AGBL1: variants seen among roughly 807,000 people sequenced by gnomAD.
AGBL1 encodes cytosolic carboxypeptidase 4.
In AGBL1, 130 loss-of-function variants were observed where a neutral mutation model predicts 118.9. That is an observed-to-expected ratio of 1.09 (90% CI 0.95 to 1.26). The LOEUF (loss-of-function observed/expected upper bound fraction) is 1.26. Ranked by LOEUF, AGBL1 falls within the 50% of genes most tolerant of loss-of-function variation. The pLI is 0.00. For missense variants in AGBL1, 1,584 were observed against 1,298.1 expected, an observed-to-expected ratio of 1.22 and a Z score of -3.38; for synonymous variants, 555 against 478.9, an observed-to-expected ratio of 1.16 and a Z score of -2.08.
In AGBL1 at chr15:86,267,012, A is replaced by T; in HGVS notation, c.1774A>T (p.Asn592Tyr). 6.4e-7 allele frequency: 1 copy of T among 1,571,074 alleles called. No individual in the cohort carries two copies. The highest frequency in any genetic ancestry group is 1.2e-5 in the South Asian group (1 of 85,278). ...EPWPLQDNAS[N>Y]CLRFFSKFES... ...TAGGCCTTTGCAAGACAATGCTTCC[A>T]ATTGTTTACGGTTCTTCTCCAAATT... The change falls in exon 13 of 23, where the codon AAT (asparagine) becomes TAT (tyrosine). Residue 592 changes from asparagine (N) to tyrosine (Y), a missense_variant. Coordinates refer to ENST00000614907, the MANE Select transcript of AGBL1 (RefSeq NM_001386094.1).
intron 18 of AGBL1, among the ~76,000 whole-genome samples, chr15:86,474,873 G>A (rs1025662331): frequency 1.7e-4 from 26 of 152,208 alleles, no homozygotes; most frequent in African/African-American, 6.0e-4. Context: ...CCTCTGAGAC[G>A]AAGCTTTCAG....
chr15:86,773,593 A>C (rs748579891), intron 22 of AGBL1, among the ~76,000 whole-genome samples: 1 of 147,228 alleles, frequency 6.8e-6, no homozygotes, highest in Non-Finnish European at 1.5e-5. Flanking sequence ...ATGAGTGAGA[A>C]CATGTGGTGT....
At chr15:86,499,627 C>T (rs961741497) in intron 18 of AGBL1, among the ~76,000 whole-genome samples, 1 of 151,870 alleles carries the variant, frequency 6.6e-6, no homozygotes, top group African/African-American at 2.4e-5. Flanking sequence ...GGTAATGCAT[C>T]CTCTACTAAT....
chr15:86,843,215 G>A (rs897873781), intron 22 of AGBL1, among the ~76,000 whole-genome samples: 6 of 152,174 alleles, frequency 3.9e-5, no homozygotes, highest in Non-Finnish European at 7.3e-5. Context: ...GATCTTCAAA[G>A]GATGAGCACA....
intron 5 of AGBL1, among the ~76,000 whole-genome samples, chr15:86,184,002 G>A (rs2077588780): frequency 6.6e-6 from 1 of 152,178 alleles, no homozygotes; most frequent in South Asian, 2.1e-4. Context: ...GTAGCCGTGG[G>A]TGTTACAGCT....
Position 86,652,196 on chromosome 15 carries a change from C to T in AGBL1, c.2995-22077C>T, listed in dbSNP as rs575363620. On this transcript the variant is annotated intron_variant, in intron 21 of 22. Coordinates refer to ENST00000614907, the MANE Select transcript of AGBL1 (RefSeq NM_001386094.1). ...ATTTTAGGGTCAAAAGATTGGCAGA[C>T]AATATATGGAGGTACACCAGTTCTC... Among the ~76,000 whole-genome samples, 8 of 152,238 alleles carry T rather than the reference C, an allele frequency of 5.3e-5. No homozygotes were observed. In the South Asian group the frequency reaches 1.7e-3, roughly 32 times the overall value.
At chr15:86,965,803 A>G (rs1431811146) in intron 23 of AGBL1, among the ~76,000 whole-genome samples, 3 of 152,096 alleles carry the variant, frequency 2.0e-5, no homozygotes, top group Non-Finnish European at 2.9e-5. Flanking sequence ...GAGTTGAACA[A>G]TGAGAACCCA....
intron 21 of AGBL1, among the ~76,000 whole-genome samples, chr15:86,637,837 T>C (rs954651020): frequency 6.6e-6 from 1 of 152,214 alleles, no homozygotes; most frequent in Admixed American, 6.5e-5. Context: ...GACTGTAAGT[T>C]CTTTGAGGCA....
rs202143235 is a variant in AGBL1 at position 86,432,656 on chromosome 15, T to C, written c.2555+35110T>C. ...TATACTTTACTCTTGCTGGCCAACCTTTTTCACTTAAATAATATCAGGTCA... is the reference window on the plus strand; with the variant it reads ...TATACTTTACTCTTGCTGGCCAACCCTTTTCACTTAAATAATATCAGGTCA... On this transcript the variant is annotated intron_variant, in intron 18 of 22. Transcript: ENST00000614907. 2.6e-5 allele frequency among the ~76,000 whole-genome samples: 4 copies of C among 152,294 alleles called. No individual in the cohort carries two copies. In the East Asian group the frequency reaches 7.7e-4, roughly 29 times the overall value.
intron 24 of AGBL1, among the ~76,000 whole-genome samples, chr15:87,003,829 T>C (rs992677724): frequency 1.3e-5 from 2 of 152,282 alleles, no homozygotes; most frequent in African/African-American, 2.4e-5. Context: ...TGATATCCGC[T>C]TTATCATTTT....
At chr15:86,470,329 T>C (rs2082463434) in intron 18 of AGBL1, among the ~76,000 whole-genome samples, 1 of 152,218 alleles carries the variant, frequency 6.6e-6, no homozygotes, top group South Asian at 2.1e-4. Context: ...GAAGAGGCTG[T>C]CCTTCCACCA....
chr15:86,634,351 G>A (rs1404564922), intron 21 of AGBL1, among the ~76,000 whole-genome samples: 1 of 152,168 alleles, frequency 6.6e-6, no homozygotes, highest in East Asian at 1.9e-4. Flanking sequence ...ACACAATGTG[G>A]TATTTCCATA....
At chr15:86,438,095 A>G (rs556940166) in intron 18 of AGBL1, among the ~76,000 whole-genome samples, 271 of 152,144 alleles carry the variant, frequency 1.8e-3, no homozygotes, top group Non-Finnish European at 2.8e-3. Flanking sequence ...TTTAGTAGAA[A>G]TGGGATTTCA....
intron 18 of AGBL1, among the ~76,000 whole-genome samples, chr15:86,479,571 C>G (rs1596168688): frequency 6.6e-6 from 1 of 152,148 alleles, no homozygotes; most frequent in African/African-American, 2.4e-5. Flanking sequence ...ATTAAAAAGT[C>G]AGGAAACAAC....
intron 6 of AGBL1, among the ~76,000 whole-genome samples, chr15:86,238,316 C>A (rs1317245496): frequency 1.3e-5 from 2 of 152,172 alleles, no homozygotes; most frequent in Admixed American, 6.5e-5. Flanking sequence ...GTGCCTGGAA[C>A]AACTGGTATA....
chr15:86,236,704 C>G (rs1269981160), intron 6 of AGBL1, among the ~76,000 whole-genome samples: 1 of 151,816 alleles, frequency 6.6e-6, no homozygotes, highest in African/African-American at 2.4e-5. Flanking sequence ...CCTCCCCATA[C>G]AGAGACAGAG....
At chr15:86,698,155 A>G (rs1356318131) in intron 22 of AGBL1, among the ~76,000 whole-genome samples, 1 of 151,942 alleles carries the variant, frequency 6.6e-6, no homozygotes, top group Non-Finnish European at 1.5e-5. Context: ...TAAACTGATT[A>G]TGCCACAATT....
intron 15 of AGBL1, among the ~76,000 whole-genome samples, chr15:86,275,343 G>T (rs2079233659): frequency 6.6e-6 from 1 of 152,198 alleles, no homozygotes; most frequent in Admixed American, 6.5e-5. Flanking sequence ...GATCTCAAGA[G>T]AGAGATCTGG....
intron 18 of AGBL1, among the ~76,000 whole-genome samples, chr15:86,517,408 T>C (rs1188755379): frequency 1.3e-5 from 2 of 152,224 alleles, no homozygotes; most frequent in African/African-American, 4.8e-5. Flanking sequence ...TCCTCCTTTG[T>C]GACTACCCTT....
Sources: gnomAD v4.1 joint callset for allele counts (sites outside exome capture counted in the v4.1 genomes callset) on GRCh38, gnomAD v4.1.1 for gene constraint, MANE v1.5 for transcripts, NCBI Gene and HGNC (gene_info 2026-07-23, HGNC 2026-07-21) for gene names.